The following ZFP3 variants were observed in gnomAD, a reference collection of about 807,000 sequenced individuals.
ZFP3 encodes the protein zinc finger protein 3 homolog.
Under a neutral mutation model 36.7 loss-of-function variants are expected in ZFP3, and 18 were observed. That is an observed-to-expected ratio of 0.49 (90% confidence interval 0.34 to 0.73). The LOEUF (loss-of-function observed/expected upper bound fraction) is 0.73. Among genes scored for constraint, ZFP3 ranks in the 30% least tolerant of loss-of-function variants. The probability of loss-of-function intolerance (pLI) is 0.01; values close to 1 mark genes in which losing one functional copy is unlikely to be tolerated. For missense variants in ZFP3, 495 were observed against 599.0 expected (o/e 0.83, Z 1.81); for synonymous variants, 218 against 199.0 (o/e 1.10, Z -0.81).
chr17:5,089,480 C>T (rs2072138593), intron 1 of ZFP3, among the ~76,000 whole-genome samples: 1 of 152,168 alleles, frequency 6.6e-6, no homozygotes, highest in African/African-American at 2.4e-5. Flanking sequence ...TGGCCAATCC[C>T]AACTGCAAAA....
rs947216335 is a variant in ZFP3 at position 5,095,392 on chromosome 17, CA to C, written c.*2382del. 3 of 167,052 alleles carry C rather than the reference CA, an allele frequency of 1.8e-5. No individual in the cohort carries two copies. The highest frequency in any genetic ancestry group is 7.2e-5 in the African/African-American group (3 of 41,450). The allele number at this position is 167,052 out of a possible 1,614,324, so 10.3% of individuals were successfully genotyped here. On this transcript the variant is annotated 3_prime_UTR_variant, in exon 2 of 2. Transcript: ENST00000318833. ...TTATTCCTTTTTCATTGCTGGAGCA[CA>C]AATTGAATTGTGCCCAGACCGTATC...
rs541203728 is a variant in ZFP3, at chr17:5,093,316, T to G, written c.*303T>G. 25 of 300,328 alleles carry G rather than the reference T, an allele frequency of 8.3e-5. No homozygotes were observed. The highest frequency in any genetic ancestry group is 1.4e-4 in the Admixed American group (3 of 21,450). 18.6% of individuals were successfully genotyped at this position (300,328 alleles called of 1,614,324 possible). A position where few individuals can be genotyped will look rare whatever the true frequency, so the allele number is the denominator to read the frequency against. ...CCTCAGCCTTCCAAATAGCTAGGAC[T>G]GCAGGCACTAATGAGGCACTTTTAT... On this transcript the variant is annotated 3_prime_UTR_variant, in exon 2 of 2. Transcript: ENST00000318833.
intron 1 of ZFP3, among the ~76,000 whole-genome samples, chr17:5,088,960 C>T (rs2072135708): frequency 6.6e-6 from 1 of 152,178 alleles, no homozygotes; most frequent in Non-Finnish European, 1.5e-5. Flanking sequence ...TTGTATTCCT[C>T]AGATTTGCCG....
intron 1 of ZFP3, among the ~76,000 whole-genome samples, chr17:5,079,597 G>T (rs1020227217): frequency 6.6e-6 from 1 of 152,332 alleles, no homozygotes; most frequent in African/African-American, 2.4e-5. Context: ...AATATGCTAG[G>T]TACTCAGAAT....
Position 5,093,971 on chromosome 17 carries a change from T to C in ZFP3, c.*958T>C, listed in dbSNP as rs977881284. On this transcript the variant is annotated 3_prime_UTR_variant, in exon 2 of 2. Coordinates refer to ENST00000318833, the MANE Select transcript of ZFP3 (RefSeq NM_153018.3). ...TCCTAAGAATTCTGCTGCATATATTTTTAGCCCCATCTCCTGCCACTGCTG... is the reference window on the plus strand; with the variant it reads ...TCCTAAGAATTCTGCTGCATATATTCTTAGCCCCATCTCCTGCCACTGCTG... The C allele has an allele frequency of 1.8e-5, 3 of 167,186 alleles. No individual in the cohort carries two copies. Among genetic ancestry groups the C allele is most frequent in the African/African-American group, 7.2e-5 (3 of 41,460 alleles). 10.4% of individuals were successfully genotyped at this position (167,186 alleles called of 1,614,324 possible). A position where few individuals can be genotyped will look rare whatever the true frequency, so the allele number is the denominator to read the frequency against.
At position 5,093,154 on chromosome 17, in the gene ZFP3, T is replaced by A. The variant is rs556567106; in HGVS notation, c.*141T>A. The A allele has an allele frequency of 2.3e-5, 22 of 955,614 alleles. No homozygotes were observed. The East Asian group carries it at 6.3e-4, about 27-fold the overall frequency. 59.2% of individuals were successfully genotyped at this position (955,614 alleles called of 1,614,324 possible). On this transcript the variant is annotated 3_prime_UTR_variant, in exon 2 of 2. Transcript: ENST00000318833. ...CTGTCCTCCCACTGATTTTAAATAG[T>A]TGGTTGAAGAAGATGAGGCACTTTT...
At chr17:5,086,478 G>C (rs2143525462) in intron 1 of ZFP3, among the ~76,000 whole-genome samples, 1 of 151,922 alleles carries the variant, frequency 6.6e-6, no homozygotes, top group African/African-American at 2.4e-5. Flanking sequence ...CTTAACCCCT[G>C]TCTCTCTGCT....
chr17:5,085,776 TG>T (rs561319774), intron 1 of ZFP3, among the ~76,000 whole-genome samples: 244 of 152,330 alleles, frequency 1.6e-3, no homozygotes, highest in African/African-American at 5.1e-3. Flanking sequence ...CCATTTATCG[TG>T]GTACACGTGT....
At chr17:5,080,825 C>T (rs1597902165) in intron 1 of ZFP3, among the ~76,000 whole-genome samples, 1 of 152,108 alleles carries the variant, frequency 6.6e-6, no homozygotes, top group Non-Finnish European at 1.5e-5. Flanking sequence ...CACCACACAT[C>T]TCCCTGGATT....
chr17:5,090,917 C>T (rs1452762323), intron 1 of ZFP3, among the ~76,000 whole-genome samples: 2 of 152,142 alleles, frequency 1.3e-5, no homozygotes, highest in Non-Finnish European at 2.9e-5. Flanking sequence ...GATCCGCCCG[C>T]CTCGGCCTCC....
intron 1 of ZFP3, among the ~76,000 whole-genome samples, chr17:5,088,533 C>G (rs1046965723): frequency 6.8e-5 from 10 of 147,814 alleles, no homozygotes; most frequent in Non-Finnish European, 1.3e-4. Flanking sequence ...CCAGGATGGT[C>G]TCAGTCTCCT....
chr17:5,084,975 A>G (rs2072113386), intron 1 of ZFP3, among the ~76,000 whole-genome samples: 1 of 152,196 alleles, frequency 6.6e-6, no homozygotes, highest in Non-Finnish European at 1.5e-5. Context: ...CAAATGACAT[A>G]CTGTGTTGCT....
intron 1 of ZFP3, among the ~76,000 whole-genome samples, chr17:5,087,077 ATT>A (rs35379036): frequency 2.7e-4 from 27 of 101,532 alleles, no homozygotes; most frequent in African/African-American, 6.2e-4. Context: ...ACTGCATTTG[ATT>A]TTTTTTTTTT....
chr17:5,092,195 G>A lies in ZFP3; in HGVS notation c.691G>A (p.Gly231Ser), dbSNP rs2072153785. Residue 231 changes from glycine to serine, a missense_variant, in exon 2 of 2, where the codon GGT becomes AGT. Gly to Ser is a moderately conservative substitution (Grantham distance 56). Around this residue, in one of 3 missense-constraint regions of ZFP3, gnomAD observed 103 missense variants for 186.8 expected, o/e 0.55. Transcript: ENST00000318833. The surrounding 1 kb of genome is among the most constrained non-coding windows in gnomAD (Gnocchi z 5.0). ...GERPYKCEEC[G>S]KAFSQNSALI... ...GAGACCCTATAAATGTGAAGAATGT[G>A]GTAAAGCCTTCAGTCAAAATTCAGC... 6.2e-7 allele frequency: 1 copy of A among 1,614,152 alleles called. No individual in the cohort carries two copies.
rs573197520 is a variant in ZFP3, at chr17:5,086,569, GTCT to G, written c.-8-4924_-8-4922del. On this transcript the variant is annotated intron_variant, in intron 1 of 1. Transcript: ENST00000318833. ...TTGCTCTATAGCACTGTCCGTCTTG[GTCT>G]TCTCCTTTCATCCACTTTTTTTTTT... Among the ~76,000 whole-genome samples, 720 of 148,074 alleles carry G rather than the reference GTCT, an allele frequency of 4.9e-3. 10 individuals are homozygous for G. Among genetic ancestry groups the G allele is most frequent in the African/African-American group, 0.017 (692 of 40,154 alleles).
intron 1 of ZFP3, among the ~76,000 whole-genome samples, chr17:5,082,269 A>G (rs986297347): frequency 3.3e-5 from 5 of 151,534 alleles, no homozygotes; most frequent in African/African-American, 1.2e-4. Flanking sequence ...ATCGCTTGAA[A>G]CCAGGAGGCA....
At position 5,092,609 on chromosome 17, in the gene ZFP3, G is replaced by C. The variant is rs769616192; in HGVS notation, c.1105G>C (p.Glu369Gln). ...HTGEKPYVCK[E>Q]CGKAFRGNSE... Reference sequence around the variant, plus strand: ...TGGTGAGAAGCCCTATGTATGTAAGGAATGTGGGAAGGCCTTCAGGGGGAA... The same window carrying C: ...TGGTGAGAAGCCCTATGTATGTAAGCAATGTGGGAAGGCCTTCAGGGGGAA... The change falls in exon 2 of 2, where the codon GAA becomes CAA. Residue 369 changes from glutamate to glutamine, a missense_variant. Coordinates refer to ENST00000318833, the MANE Select transcript of ZFP3 (RefSeq NM_153018.3). This position sits in a 1 kb window ranked among gnomAD's most constrained non-coding sequence, Gnocchi z 5.0. 1.3e-5 allele frequency: 21 copies of C among 1,614,130 alleles called. No homozygotes were observed. In the South Asian group the frequency reaches 2.3e-4, roughly 18 times the overall value.
chr17:5,095,078 C>T lies in ZFP3; in HGVS notation c.*2065C>T, dbSNP rs1389501586. ...TTATCTGAAACCCTTTGCACAGTTT[C>T]TATTACTGATTTCTATGTAGATTTG... is the stretch of plus-strand genomic sequence containing the variant. On this transcript the variant is annotated 3_prime_UTR_variant, in exon 2 of 2. Coordinates refer to ENST00000318833, the MANE Select transcript of ZFP3 (RefSeq NM_153018.3). 1.2e-5 allele frequency: 2 copies of T among 167,084 alleles called. No individual in the cohort carries two copies. Among genetic ancestry groups the T allele is most frequent in the African/African-American group, 2.4e-5 (1 of 41,452 alleles). 10.4% of individuals were successfully genotyped at this position (167,084 alleles called of 1,614,324 possible).
At position 5,092,273 on chromosome 17, in the gene ZFP3, G is replaced by T; in HGVS notation, c.769G>T (p.Glu257Ter). ...TGGAGAGAAACCATATGAATGTAAT[G>T]AATGTGGGAAGACCTTTAGGGTTAG... ...HTGEKPYECNECGKTFRVSSQ... is the reference protein window; with the variant it reads ...HTGEKPYECN The change falls in exon 2 of 2, where the codon GAA becomes TAA. Residue 257 changes from glutamate (E) to a stop codon, truncating the protein, a stop_gained. Transcript: ENST00000318833. LOFTEE classifies it high-confidence loss of function. The surrounding 1 kb of genome is among the most constrained non-coding windows in gnomAD (Gnocchi z 5.0). 1 of 1,614,132 alleles carries T rather than the reference G, an allele frequency of 6.2e-7. No individual in the cohort carries two copies. The highest frequency in any genetic ancestry group is 8.5e-7 in the Non-Finnish European group (1 of 1,180,024).
Sources: allele counts gnomAD v4.1 joint callset (sites outside exome capture counted in the v4.1 genomes callset), GRCh38; gene constraint gnomAD v4.1.1; regional missense constraint gnomAD v4.1.1; non-coding constraint Gnocchi (gnomAD v3.1); transcripts MANE v1.5; gene names NCBI Gene and HGNC (gene_info 2026-07-23, HGNC 2026-07-21).